ANKRD36C: variants seen among roughly 807,000 people sequenced by gnomAD.
ANKRD36C encodes the protein ankyrin repeat domain 36C, also known as ankyrin repeat domain-containing protein 36C.
A neutral mutation model predicts 276.4 loss-of-function variants in ANKRD36C; 61 were observed. The ratio of observed to expected loss-of-function variants is 0.22; its 90% CI spans 0.18 to 0.27. The LOEUF (loss-of-function observed/expected upper bound fraction) is 0.27. Among genes scored for constraint, ANKRD36C ranks in the 10% least tolerant of loss-of-function variants. The pLI is 1.00. For synonymous variants in ANKRD36C, 483 were observed against 680.1 expected (o/e 0.71, Z 4.51); for missense variants, 1,447 against 2,032.3 (o/e 0.71, Z 5.54).
intron 13 of ANKRD36C, among the ~76,000 whole-genome samples, chr2:95,954,755 C>T (rs1431147996): frequency 6.6e-6 from 1 of 152,140 alleles, no homozygotes; most frequent in Non-Finnish European, 1.5e-5. Flanking sequence ...GCTTAAGAAC[C>T]TTCATAGACA....
chr2:95,914,639 C>A (rs1215369164), intron 38 of ANKRD36C, among the ~76,000 whole-genome samples: 1 of 151,478 alleles, frequency 6.6e-6, no homozygotes, highest in Non-Finnish European at 1.5e-5. Context: ...ACCTGAGAAT[C>A]AATGTCAAAG....
chr2:95,985,224 T>TA (rs1679005164), intron 3 of ANKRD36C, among the ~76,000 whole-genome samples: 1 of 152,230 alleles, frequency 6.6e-6, no homozygotes. Flanking sequence ...TGCTGATAGA[T>TA]ACTGCAAATA....
At chr2:95,882,398 A>G in intron 55 of ANKRD36C, 24 bp from the exon 76 acceptor site, 1 of 1,547,956 alleles carries the variant, frequency 6.5e-7, no homozygotes, top group African/African-American at 1.4e-5. Context: ...GAAACAAAAT[A>G]GTCAATACAT....
Position 95,910,587 on chromosome 2 carries a change from T to A in ANKRD36C, c.2653+1657A>T, listed in dbSNP as rs1676886085. 9 of 1,604,518 alleles carry A rather than the reference T, an allele frequency of 5.6e-6. No homozygotes were observed. The highest frequency in any genetic ancestry group is 7.6e-6 in the Non-Finnish European group (9 of 1,176,830). ...GAAGACACTGAAAAGCAAAAGGGAT[T>A]CATAATCACTCATATGTAAATATGA... On this transcript the variant is annotated intron_variant, in intron 42 of 66. Transcript: ENST00000456556.
intron 58 of ANKRD36C, 136 bp from the exon 79 acceptor site, chr2:95,876,648 G>A (rs1314140859): frequency 8.1e-6 from 5 of 618,148 alleles, no homozygotes; most frequent in East Asian, 3.3e-5. Flanking sequence ...TCAGGAGATC[G>A]AGACCATCCT....
At chr2:95,863,215 T>C (rs1675621858) in intron 60 of ANKRD36C, among the ~76,000 whole-genome samples, 1 of 152,068 alleles carries the variant, frequency 6.6e-6, no homozygotes, top group African/African-American at 2.4e-5. Context: ...ATAATTTCTA[T>C]GTAAGTAAAC....
intron 59 of ANKRD36C, among the ~76,000 whole-genome samples, chr2:95,871,390 C>T (rs575084327): frequency 3.9e-5 from 6 of 152,172 alleles, no homozygotes; most frequent in Non-Finnish European, 8.8e-5. Flanking sequence ...GAATTTTCAA[C>T]CCAGAATTTC....
At chr2:95,913,545 T>C (rs889082620) in intron 40 of ANKRD36C, among the ~76,000 whole-genome samples, 13 of 151,422 alleles carry the variant, frequency 8.6e-5, no homozygotes, top group African/African-American at 2.4e-4. Flanking sequence ...CAAATATTTG[T>C]TATGAAAATA....
rs1677214604 is a variant in ANKRD36C, at chr2:95,919,735, G to C, written c.2246-1693C>G. ...ATTGAATGTGTTTTGCAAATTACCT[G>C]TCTCAGATTTTTCTCCATCCTTTAT... On this transcript the variant is annotated intron_variant, in intron 34 of 66. Coordinates refer to ENST00000456556, the Ensembl canonical transcript of ANKRD36C. 4 of 875,882 alleles carry C rather than the reference G, an allele frequency of 4.6e-6. 1 individual carries two copies. Among genetic ancestry groups the C allele is most frequent in the Non-Finnish European group, 5.4e-6 (4 of 738,476 alleles). 54.3% of individuals were successfully genotyped at this position (875,882 alleles called of 1,614,324 possible).
intron 42 of ANKRD36C, chr2:95,910,414 C>T (rs535944284): frequency 2.7e-5 from 42 of 1,555,720 alleles, no homozygotes; most frequent in East Asian, 2.2e-4. Context: ...TCTGGCTATA[C>T]TCAAAACAGA....
rs747863669 is a variant in ANKRD36C, at chr2:95,889,835, C to T, written c.2923G>A (p.Ala975Thr). 1.9e-6 allele frequency: 3 copies of T among 1,600,786 alleles called. No homozygotes were observed. The African/African-American group carries it at 4.0e-5, about 21-fold the overall frequency. The change falls in exon 48 of 67, where the codon GCC becomes ACC. Residue 975 changes from alanine (A) to threonine (T), a missense_variant. Physicochemically the swap from Ala to Thr is moderately conservative, Grantham distance 58 (BLOSUM62 0). This residue lies in a region of ANKRD36C where 565 missense variants were observed against 539.5 expected (regional missense o/e 1.05). Coordinates refer to ENST00000456556, the Ensembl canonical transcript of ANKRD36C. ...ATTTGTTCATCCTTTGTTTCTGTGG[C>T]CATATTCGGAACAGAATTTTCCTTG... is the stretch of plus-strand genomic sequence containing the variant.
chr2:95,938,292 T>G (rs538357654), intron 22 of ANKRD36C, among the ~76,000 whole-genome samples: 234 of 152,186 alleles, frequency 1.5e-3, no homozygotes, highest in African/African-American at 5.5e-3. Context: ...TTTAAAACAC[T>G]GTATCTACCA....
Position 95,910,583 on chromosome 2 carries a change from G to A in ANKRD36C, c.2653+1661C>T. On this transcript the variant is annotated intron_variant, in intron 42 of 66. Coordinates refer to ENST00000456556, the Ensembl canonical transcript of ANKRD36C. ...CTGAGAAGACACTGAAAAGCAAAAG[G>A]GATTCATAATCACTCATATGTAAAT... The A allele has an allele frequency of 6.2e-7, 1 of 1,605,214 alleles. No homozygotes were observed. The highest frequency in any genetic ancestry group is 2.3e-5 in the East Asian group (1 of 44,416).
At chr2:95,885,801 G>A (rs1676187983) in intron 52 of ANKRD36C, among the ~76,000 whole-genome samples, 1 of 151,796 alleles carries the variant, frequency 6.6e-6, no homozygotes, top group South Asian at 2.1e-4. Flanking sequence ...AGGCTGTTAT[G>A]TGCTGAACCG....
intron 30 of ANKRD36C, 22 bp from the exon 31 acceptor site, chr2:95,923,711 T>A (rs183114345): frequency 3.4e-5 from 55 of 1,609,256 alleles, no homozygotes; most frequent in Non-Finnish European, 2.1e-5. Context: ...AAGGGATACA[T>A]AATCACTCAT....
intron 59 of ANKRD36C, among the ~76,000 whole-genome samples, chr2:95,870,746 C>T (rs530021310): frequency 1.3e-5 from 2 of 151,894 alleles, no homozygotes; most frequent in African/African-American, 4.8e-5. Flanking sequence ...AAACCAAAGG[C>T]GAAGAAGTTA....
At chr2:95,956,633 G>A (rs1678333302) in intron 13 of ANKRD36C, among the ~76,000 whole-genome samples, 153 bp downstream of exon 13, 2 of 152,158 alleles carry the variant, frequency 1.3e-5, no homozygotes, top group East Asian at 1.9e-4. Context: ...AGCACAAATA[G>A]TTTGTAAAGC....
At chr2:95,916,145 T>G (rs760345509) in exon 37 of ANKRD36C, 306 of 1,605,312 alleles carry the variant, frequency 1.9e-4, no homozygotes, top group Non-Finnish European at 2.4e-4. Context: ...TTCATTACCT[T>G]CAAGGCTGGT....
intron 59 of ANKRD36C, among the ~76,000 whole-genome samples, chr2:95,874,568 T>TA (rs759855257): frequency 8.5e-5 from 13 of 152,314 alleles, no homozygotes; most frequent in African/African-American, 1.4e-4. Context: ...CCTAAAACCA[T>TA]AAAAACCCTA....
Sources: gnomAD v4.1 joint callset for allele counts (sites outside exome capture counted in the v4.1 genomes callset) on GRCh38, gnomAD v4.1.1 for gene constraint, gnomAD v4.1.1 regional missense constraint, MANE v1.5 for transcripts, NCBI Gene and HGNC (gene_info 2026-07-23, HGNC 2026-07-21) for gene names.